TTC39B: variants seen among roughly 807,000 people sequenced by gnomAD.
TTC39B encodes tetratricopeptide repeat protein 39B.
TTC39B carries 92 observed loss-of-function variants against 96.6 expected under a neutral mutation model. That is an observed-to-expected ratio of 0.95 (90% CI 0.80 to 1.13). TTC39B has a LOEUF of 1.13. Among genes scored for constraint, TTC39B ranks in the 50% most tolerant of loss-of-function variants. TTC39B has a pLI of 0.00. For synonymous variants in TTC39B, 367 were observed against 299.4 expected (o/e 1.23, Z -2.33); for missense variants, 955 against 809.3 (o/e 1.18, Z -2.18).
chr9:15,182,191 C>G (rs147379554), intron 17 of TTC39B, 116 bp downstream of exon 17: 3 of 599,870 alleles, frequency 5.0e-6, no homozygotes, highest in Non-Finnish European at 8.5e-6. Context: ...GCAGCTCAAG[C>G]TCTTTGTCCT....
chr9:15,199,634 A>C (rs201529807), intron 8 of TTC39B, among the ~76,000 whole-genome samples: 7 of 144,264 alleles, frequency 4.9e-5, no homozygotes, highest in African/African-American at 1.0e-4. Context: ...ACTCGGGAGG[A>C]TGAGGCAGGA....
chr9:15,300,891 C>CAAAAA (rs71491658), intron 1 of TTC39B, among the ~76,000 whole-genome samples: 2 of 81,188 alleles, frequency 2.5e-5, no homozygotes, highest in African/African-American at 3.8e-5. Context: ...AACTCCGTCT[C>CAAAAA]AAAAAAAAAA....
chr9:15,301,012 G>C (rs1824568174), intron 1 of TTC39B, among the ~76,000 whole-genome samples: 1 of 151,076 alleles, frequency 6.6e-6, no homozygotes, highest in Non-Finnish European at 1.5e-5. Context: ...AGCCTTTTTG[G>C]TTTCTGCCCT....
intron 7 of TTC39B, among the ~76,000 whole-genome samples, chr9:15,202,956 C>T (rs1819629473): frequency 6.6e-6 from 1 of 152,002 alleles, no homozygotes; most frequent in African/African-American, 2.4e-5. Flanking sequence ...TAAAATGGAT[C>T]ATAAGAAAAG....
intron 2 of TTC39B, among the ~76,000 whole-genome samples, chr9:15,240,357 C>T (rs1418926820): frequency 6.6e-6 from 1 of 152,228 alleles, no homozygotes; most frequent in East Asian, 1.9e-4. Flanking sequence ...AAACGAGAAA[C>T]TGGCGAATAG....
intron 7 of TTC39B, among the ~76,000 whole-genome samples, chr9:15,202,327 G>A (rs1010369440): frequency 4.6e-5 from 7 of 152,140 alleles, no homozygotes; most frequent in Non-Finnish European, 8.8e-5. Flanking sequence ...AGGAAACAGG[G>A]TCATGGGCTA....
At chr9:15,201,116 C>A (rs1030252710) in intron 7 of TTC39B, among the ~76,000 whole-genome samples, 1 of 152,070 alleles carries the variant, frequency 6.6e-6, no homozygotes, top group Non-Finnish European at 1.5e-5. Flanking sequence ...TCATTAATTG[C>A]TTAAATATTT....
intron 1 of TTC39B, among the ~76,000 whole-genome samples, chr9:15,284,637 A>G (rs1375673343): frequency 6.6e-6 from 1 of 152,224 alleles, no homozygotes; most frequent in Non-Finnish European, 1.5e-5. Flanking sequence ...TTTTAATAAA[A>G]GCTGGATTTG....
At chr9:15,211,315 T>C (rs1820187129) in exon 5 of TTC39B, 1 of 1,593,804 alleles carries the variant, frequency 6.3e-7, no homozygotes, top group Non-Finnish European at 8.5e-7. Context: ...CCGTTCTGGA[T>C]GTCCTGTTGC....
intron 19 of TTC39B, among the ~76,000 whole-genome samples, chr9:15,173,686 C>A (rs1342463505): frequency 6.6e-6 from 1 of 152,150 alleles, no homozygotes; most frequent in Non-Finnish European, 1.5e-5. Flanking sequence ...ATATAACATT[C>A]ACAAAATGAC....
chr9:15,179,776 T>C (rs1818148674), intron 17 of TTC39B, among the ~76,000 whole-genome samples: 1 of 152,190 alleles, frequency 6.6e-6, no homozygotes, highest in African/African-American at 2.4e-5. Flanking sequence ...TGAATGATGA[T>C]TTTGTTGAGG....
chr9:15,299,796 G>C (rs969048556), intron 1 of TTC39B, among the ~76,000 whole-genome samples: 5 of 152,142 alleles, frequency 3.3e-5, no homozygotes, highest in East Asian at 3.9e-4. Context: ...TAAATGACTG[G>C]TAACAGCACC....
At chr9:15,267,080 A>G (rs1823163332) in intron 2 of TTC39B, among the ~76,000 whole-genome samples, 1 of 152,008 alleles carries the variant, frequency 6.6e-6, no homozygotes, top group Non-Finnish European at 1.5e-5. Context: ...CTCCGTCTCA[A>G]AAAAAAAGGA....
intron 1 of TTC39B, among the ~76,000 whole-genome samples, chr9:15,291,986 G>A (rs894605070): frequency 1.3e-5 from 2 of 152,238 alleles, no homozygotes; most frequent in Admixed American, 6.5e-5. Context: ...CAGTTGCTGA[G>A]TGCAGCCTGG....
chr9:15,267,997 T>C (rs1233935323), intron 1 of TTC39B, 49 bp from the exon 2 acceptor site: 1 of 1,559,418 alleles, frequency 6.4e-7, no homozygotes, highest in Admixed American at 1.7e-5. Flanking sequence ...TCTCAATGGG[T>C]TTCTCAAGAA....
intron 16 of TTC39B, 97 bp downstream of exon 16, chr9:15,185,183 A>C: frequency 7.0e-7 from 1 of 1,438,636 alleles, no homozygotes; most frequent in South Asian, 1.5e-5. Context: ...ATGGTTTTTA[A>C]ATGAGCTAAA....
intron 6 of TTC39B, among the ~76,000 whole-genome samples, chr9:15,208,921 T>C (rs1218368398): frequency 6.6e-6 from 1 of 152,106 alleles, no homozygotes; most frequent in African/African-American, 2.4e-5. Context: ...TAAAACACAC[T>C]CAAAAATATG....
intron 3 of TTC39B, 47 bp downstream of exon 3, chr9:15,225,870 G>A (rs1026150103): frequency 6.5e-7 from 1 of 1,546,152 alleles, no homozygotes; most frequent in Admixed American, 1.7e-5. Context: ...TCAAGGGTGG[G>A]ACTGTCCTCC....
intron 2 of TTC39B, among the ~76,000 whole-genome samples, chr9:15,245,125 A>G (rs1251267716): frequency 6.6e-6 from 1 of 152,214 alleles, no homozygotes; most frequent in African/African-American, 2.4e-5. Context: ...GAGATGTTCA[A>G]TGACTGCTTG....
Sources: allele counts gnomAD v4.1 joint callset (sites outside exome capture counted in the v4.1 genomes callset), GRCh38; gene constraint gnomAD v4.1.1; transcripts MANE v1.5; gene names NCBI Gene and HGNC (gene_info 2026-07-23, HGNC 2026-07-21).